GRIA3: variants seen among roughly 807,000 people sequenced by gnomAD.
The protein encoded by GRIA3 is glutamate receptor 3.
In GRIA3, 3 loss-of-function variants were observed where a neutral mutation model predicts 63.0. The ratio of observed to expected loss-of-function variants is 0.05; its 90% CI spans 0.02 to 0.12. GRIA3 has a LOEUF of 0.12. Among genes scored for constraint, GRIA3 ranks in the 10% least tolerant of loss-of-function variants. The probability of loss-of-function intolerance (pLI) is 1.00; values close to 1 mark genes in which losing one functional copy is unlikely to be tolerated. For missense variants in GRIA3, 347 were observed against 700.9 expected, an observed-to-expected ratio of 0.50 and a Z score of 5.70; for synonymous variants, 274 against 257.9, an observed-to-expected ratio of 1.06 and a Z score of -0.60.
intron 13 of GRIA3, among the ~76,000 whole-genome samples, chrX:123,473,627 C>T (rs780881861): frequency 2.0e-4 from 22 of 111,425 alleles, no homozygotes; most frequent in Non-Finnish European, 4.0e-4. Flanking sequence ...GATGGCTGTT[C>T]TCCCTCCATT....
chrX:123,240,224 C>T (rs569816830), intron 2 of GRIA3, among the ~76,000 whole-genome samples: 51 of 112,197 alleles, frequency 4.5e-4, no homozygotes, highest in African/African-American at 1.6e-3. Flanking sequence ...ACCTCCTTGG[C>T]ACAAAGTTTT....
chrX:123,216,084 A>T (rs1432861589), intron 2 of GRIA3, among the ~76,000 whole-genome samples: 1 of 112,232 alleles, frequency 8.9e-6, no homozygotes, highest in East Asian at 2.8e-4. Flanking sequence ...AAACAAGCAA[A>T]TAAATACATT....
chrX:123,401,860 A>C (rs1413763106), intron 7 of GRIA3, among the ~76,000 whole-genome samples: 1 of 112,193 alleles, frequency 8.9e-6, no homozygotes, highest in Non-Finnish European at 1.9e-5. Flanking sequence ...CTTTGAAGCA[A>C]AGTCTTTGAC....
intron 14 of GRIA3, among the ~76,000 whole-genome samples, chrX:123,481,527 G>C (rs972456781): frequency 1.3e-4 from 14 of 111,816 alleles, no homozygotes; most frequent in African/African-American, 4.2e-4. Flanking sequence ...ATGATACCAA[G>C]ACCAGCTGAA....
At chrX:123,440,488 T>C (rs966059156) in intron 12 of GRIA3, among the ~76,000 whole-genome samples, 54 of 112,719 alleles carry the variant, frequency 4.8e-4, no homozygotes, top group African/African-American at 1.7e-3. Flanking sequence ...TAACAGTCAT[T>C]CTGACTGGTG....
intron 3 of GRIA3, among the ~76,000 whole-genome samples, chrX:123,275,537 G>A (rs758106600): frequency 3.0e-4 from 34 of 112,397 alleles, no homozygotes. Context: ...TGTCAAACAG[G>A]TAGAAAGGTT....
At chrX:123,311,340 G>A (rs73553706) in intron 3 of GRIA3, among the ~76,000 whole-genome samples, 2,370 of 112,295 alleles carry the variant, frequency 0.021, 57 homozygotes, top group African/African-American at 0.072. Flanking sequence ...ACCTTAGTGA[G>A]AAGCTTGCAT....
intron 3 of GRIA3, among the ~76,000 whole-genome samples, chrX:123,295,086 A>G (rs1250157108): frequency 9.0e-6 from 1 of 111,682 alleles, no homozygotes; most frequent in East Asian, 2.8e-4. Flanking sequence ...TTGCTGATTT[A>G]TATCTTGGTC....
intron 11 of GRIA3, among the ~76,000 whole-genome samples, chrX:123,425,728 T>C (rs2045586006): frequency 9.0e-6 from 1 of 111,529 alleles, no homozygotes; most frequent in Non-Finnish European, 1.9e-5. Context: ...GTTAGAAAAA[T>C]CTACTGCAAA....
rs1330652993 is a variant in GRIA3 at position 123,490,750 on chromosome X, CTTTTTGT to C, written c.*2042_*2048del. The C allele has an allele frequency of 1.8e-5, 2 of 112,021 alleles. No individual in the cohort carries two copies. The highest frequency in any genetic ancestry group is 6.5e-5 in the African/African-American group (2 of 30,751). The allele number at this position is 112,021 out of a possible 1,213,427, so 9.2% of individuals were successfully genotyped here. On this transcript the variant is annotated 3_prime_UTR_variant, in exon 16 of 16. Transcript: ENST00000620443. The stretch of plus-strand genomic sequence containing the variant: ...TGAGGATTTTTTTTCCAATTCTTTT[CTTTTTGT>C]TGTTAAAGCTGTACTTCAGTGAACA...
Position 123,250,585 on chromosome X carries a change from A to C in GRIA3, c.269-2718A>C, listed in dbSNP as rs775824407. ...TCCCATGAGACTATTTTTGTATAGG[A>C]TTCATGGATCCTAATTTTTCTTTTG... On this transcript the variant is annotated intron_variant, in intron 2 of 15. Transcript: ENST00000620443. 3.6e-5 allele frequency among the ~76,000 whole-genome samples: 4 copies of C among 111,503 alleles called. No individual in the cohort carries two copies. In the South Asian group the frequency reaches 1.5e-3, roughly 42 times the overall value.
At chrX:123,316,651 T>C (rs1047148386) in intron 3 of GRIA3, among the ~76,000 whole-genome samples, 1 of 112,474 alleles carries the variant, frequency 8.9e-6, no homozygotes, top group Non-Finnish European at 1.9e-5. Flanking sequence ...AATAGTTAAA[T>C]AAGTTATAGT....
chrX:123,227,661 T>C (rs1007420994), intron 2 of GRIA3, among the ~76,000 whole-genome samples: 6 of 112,221 alleles, frequency 5.3e-5, no homozygotes, highest in African/African-American at 1.9e-4. Context: ...GTCTGACTTT[T>C]TGTCATTATT....
chrX:123,424,562 G>A (rs957799589), intron 11 of GRIA3, among the ~76,000 whole-genome samples: 4 of 111,768 alleles, frequency 3.6e-5, no homozygotes, highest in African/African-American at 1.3e-4. Context: ...GCTGAGGTAT[G>A]CAGGTACTGT....
At chrX:123,439,065 T>C (rs1415809698) in intron 12 of GRIA3, among the ~76,000 whole-genome samples, 2 of 112,136 alleles carry the variant, frequency 1.8e-5, no homozygotes, top group African/African-American at 6.5e-5. Context: ...TAAAGCCTTG[T>C]CTACACCACA....
At chrX:123,266,374 C>G (rs2044488605) in intron 3 of GRIA3, among the ~76,000 whole-genome samples, 1 of 111,283 alleles carries the variant, frequency 9.0e-6, no homozygotes, top group Non-Finnish European at 1.9e-5. Context: ...AAACTTTTGC[C>G]TCCACCTATG....
At chrX:123,361,045 C>T (rs2045171141) in intron 5 of GRIA3, among the ~76,000 whole-genome samples, 1 of 110,549 alleles carries the variant, frequency 9.0e-6, no homozygotes, top group African/African-American at 3.3e-5. Flanking sequence ...GAGCATTACT[C>T]ATAAGATTGA....
At chrX:123,426,470 G>C (rs1240077641) in intron 11 of GRIA3, among the ~76,000 whole-genome samples, 1 of 111,922 alleles carries the variant, frequency 8.9e-6, no homozygotes, top group Non-Finnish European at 1.9e-5. Flanking sequence ...AACCCCCAGG[G>C]TTATGATTTA....
At chrX:123,406,725 T>A (rs2045476453) in intron 10 of GRIA3, among the ~76,000 whole-genome samples, 1 of 111,270 alleles carries the variant, frequency 9.0e-6, no homozygotes, top group African/African-American at 3.3e-5. Context: ...GAGGCAGGGC[T>A]AAGTGGCAGA....
Sources: gnomAD v4.1 joint callset for allele counts (sites outside exome capture counted in the v4.1 genomes callset) on GRCh38, gnomAD v4.1.1 for gene constraint, MANE v1.5 for transcripts, NCBI Gene and HGNC (gene_info 2026-07-23, HGNC 2026-07-21) for gene names.